SGCD: variants seen among roughly 807,000 people sequenced by gnomAD.
SGCD encodes delta-sarcoglycan.
A neutral mutation model predicts 36.6 loss-of-function variants in SGCD; 18 were observed. The observed-to-expected ratio is 0.49, with a 90% confidence interval of 0.34 to 0.73. The LOEUF (loss-of-function observed/expected upper bound fraction) is 0.73, where lower values mean the gene tolerates loss of function less well. Among genes scored for constraint, SGCD ranks in the 30% least tolerant of loss-of-function variants. The pLI is 0.01. For missense variants in SGCD, 387 were observed against 346.7 expected (o/e 1.12, Z -0.92); for synonymous variants, 133 against 130.6 (o/e 1.02, Z -0.12).
intron 6 of SGCD, among the ~76,000 whole-genome samples, chr5:156,606,049 AT>A (rs752485622): frequency 5.3e-5 from 8 of 152,172 alleles, no homozygotes; most frequent in Non-Finnish European, 8.8e-5. Flanking sequence ...CTTTAGCTTA[AT>A]TAGATCCCAT....
chr5:156,528,650 G>A (rs1757744006), intron 4 of SGCD, among the ~76,000 whole-genome samples: 2 of 152,184 alleles, frequency 1.3e-5, no homozygotes, highest in South Asian at 4.1e-4. Context: ...GGCCATGAGG[G>A]AGTAAGAATA....
chr5:156,454,509 A>G (rs1363260553), intron 3 of SGCD, among the ~76,000 whole-genome samples: 1 of 152,198 alleles, frequency 6.6e-6, no homozygotes, highest in Admixed American at 6.5e-5. Flanking sequence ...AGCTCATTGA[A>G]TAGCAAAGAA....
At chr5:156,515,924 T>C (rs1757137832) in intron 4 of SGCD, among the ~76,000 whole-genome samples, 1 of 152,240 alleles carries the variant, frequency 6.6e-6, no homozygotes, top group African/African-American at 2.4e-5. Flanking sequence ...ACTGCTTCTT[T>C]AGGTGGGACT....
chr5:155,958,313 A>G (rs1757708677), intron 1 of SGCD, among the ~76,000 whole-genome samples: 1 of 152,114 alleles, frequency 6.6e-6, no homozygotes, highest in South Asian at 2.1e-4. Flanking sequence ...TCAGAGCAAG[A>G]CTAGGAGGTG....
chr5:156,699,234 G>T (rs529704159), intron 7 of SGCD, among the ~76,000 whole-genome samples: 2 of 152,222 alleles, frequency 1.3e-5, no homozygotes, highest in East Asian at 3.9e-4. Flanking sequence ...TGGGAATCAG[G>T]TATAGAGTGG....
the SGCD span, among the ~76,000 whole-genome samples, chr5:155,740,380 T>C: frequency 1.3e-5 from 2 of 152,220 alleles, no homozygotes; most frequent in Admixed American, 6.6e-5. Flanking sequence ...AAAATATTTA[T>C]ATTGAATGTT....
At chr5:156,183,336 T>G (rs1301694043) in intron 3 of SGCD, among the ~76,000 whole-genome samples, 1 of 152,170 alleles carries the variant, frequency 6.6e-6, no homozygotes, top group Non-Finnish European at 1.5e-5. Flanking sequence ...GAGATTGAAA[T>G]CACAGTACCC....
In SGCD at chr5:156,487,813, A is replaced by AAAAAAAAAAAAAAAAAAAAAGAAAAAG. The variant is rs1554107842; in HGVS notation, c.193-20785_193-20784insAAAAAAAAAAAAAAAAAGAAAAAGAAA. ...CAAAAAAAAAAAAAAAAAAAAAAAAAAAAGAAAGAAAGAAAAAGCTTAACA... is the reference window on the plus strand; with the variant it reads ...CAAAAAAAAAAAAAAAAAAAAAAAAAAAAAAAAAAAAAAAAAAAAAGAAAAAGAAAGAAAGAAAGAAAAAGCTTAACA... On this transcript the variant is annotated intron_variant, in intron 3 of 8. Coordinates refer to ENST00000337851, the MANE Select transcript of SGCD (RefSeq NM_000337.6). Among the ~76,000 whole-genome samples the AAAAAAAAAAAAAAAAAAAAAGAAAAAG allele has an allele frequency of 1.2e-4, 9 of 77,810 alleles. 1 individual carries two copies. Among genetic ancestry groups the AAAAAAAAAAAAAAAAAAAAAGAAAAAG allele is most frequent in the Non-Finnish European group, 1.7e-4 (7 of 40,100 alleles). The allele number at this position is 77,810 out of a possible 152,430, so 51.0% of individuals were successfully genotyped here.
chr5:155,788,927 C>T, the SGCD span, among the ~76,000 whole-genome samples: 3 of 152,068 alleles, frequency 2.0e-5, no homozygotes, highest in Non-Finnish European at 4.4e-5. Context: ...GGTCAAAATA[C>T]CTGGCATGGT....
chr5:156,393,108 A>G (rs1223210404), intron 3 of SGCD, among the ~76,000 whole-genome samples: 1 of 152,146 alleles, frequency 6.6e-6, no homozygotes, highest in Non-Finnish European at 1.5e-5. Flanking sequence ...CTTCCATATC[A>G]TTTAAAGGGA....
intron 3 of SGCD, among the ~76,000 whole-genome samples, chr5:156,305,839 G>A (rs979062548): frequency 5.9e-5 from 9 of 152,198 alleles, no homozygotes; most frequent in Non-Finnish European, 1.3e-4. Context: ...AAGACATGGA[G>A]TCAAAGGAGA....
At chr5:156,177,687 A>G (rs906626311) in intron 3 of SGCD, among the ~76,000 whole-genome samples, 14 of 152,318 alleles carry the variant, frequency 9.2e-5, no homozygotes, top group African/African-American at 3.1e-4. Flanking sequence ...GAAAATTTTC[A>G]TCACCCCCCA....
At chr5:156,612,504 C>G (rs900155329) in intron 6 of SGCD, among the ~76,000 whole-genome samples, 1 of 152,214 alleles carries the variant, frequency 6.6e-6, no homozygotes, top group Admixed American at 6.5e-5. Flanking sequence ...GGCTGGTTCA[C>G]CAGCAGGCTG....
At chr5:155,916,323 G>T (rs1238895709) in intron 1 of SGCD, among the ~76,000 whole-genome samples, 1 of 152,106 alleles carries the variant, frequency 6.6e-6, no homozygotes, top group African/African-American at 2.4e-5. Flanking sequence ...TAACTCTTGG[G>T]TTTATTCTGC....
intron 3 of SGCD, among the ~76,000 whole-genome samples, chr5:156,215,309 G>T (rs566840734): frequency 6.3e-4 from 96 of 152,120 alleles, no homozygotes; most frequent in Non-Finnish European, 1.2e-3. Context: ...CAAAGCACAG[G>T]CCAAAAGGTA....
rs186872037 is a variant in SGCD at position 156,629,835 on chromosome 5, C to G, written c.503-17629C>G. Among the ~76,000 whole-genome samples the G allele has an allele frequency of 1.8e-3, 273 of 148,206 alleles. 1 individual carries two copies. Among genetic ancestry groups the G allele is most frequent in the African/African-American group, 6.4e-3 (255 of 40,138 alleles). On this transcript the variant is annotated intron_variant, in intron 6 of 8. Transcript: ENST00000337851. ...CTAGTTTGCCAGTCCCTGGTCTAGGCTCTGGTTTTGAGACTTTTTCTTTTT... is the reference window on the plus strand; with the variant it reads ...CTAGTTTGCCAGTCCCTGGTCTAGGGTCTGGTTTTGAGACTTTTTCTTTTT...
chr5:156,292,349 GA>G, intron 3 of SGCD, among the ~76,000 whole-genome samples: 1 of 152,068 alleles, frequency 6.6e-6, no homozygotes, highest in South Asian at 2.1e-4. Context: ...TAAGTACCAC[GA>G]ACAAGTGGGA....
chr5:156,332,829 A>G (rs1768136186), intron 2 of SGCD, among the ~76,000 whole-genome samples: 3 of 152,180 alleles, frequency 2.0e-5, no homozygotes, highest in Admixed American at 2.0e-4. Context: ...TAATAAGAGA[A>G]TTTTCTCGGG....
At chr5:155,923,868 T>G (rs192910431) in intron 1 of SGCD, among the ~76,000 whole-genome samples, 2 of 152,224 alleles carry the variant, frequency 1.3e-5, no homozygotes, top group Non-Finnish European at 2.9e-5. Flanking sequence ...AAAACACATT[T>G]GTGATATTTG....
Sources: gnomAD v4.1 joint callset for allele counts (sites outside exome capture counted in the v4.1 genomes callset) on GRCh38, gnomAD v4.1.1 for gene constraint, MANE v1.5 for transcripts, NCBI Gene and HGNC (gene_info 2026-07-23, HGNC 2026-07-21) for gene names.